Variants in TRIM6 observed in about 807,000 individuals in gnomAD.
TRIM6 encodes the protein tripartite motif containing 6.
In TRIM6, 43 loss-of-function variants were observed where a neutral mutation model predicts 51.2. The ratio of observed to expected loss-of-function variants is 0.84; its 90% CI spans 0.66 to 1.08. The LOEUF is 1.08. TRIM6 is among the 50% of genes least tolerant of loss of function. The pLI is 0.00. For missense variants in TRIM6, 669 were observed against 619.0 expected, an observed-to-expected ratio of 1.08 and a Z score of -0.86; for synonymous variants, 215 against 232.4, an observed-to-expected ratio of 0.93 and a Z score of 0.68.
rs540792202 is a variant in TRIM6 at position 5,611,745 on chromosome 11, G to A, written c.*403G>A. 1.0e-4 allele frequency: 20 copies of A among 193,576 alleles called. No homozygotes were observed. The East Asian group carries it at 2.4e-3, about 23-fold the overall frequency. The allele number at this position is 193,576 out of a possible 1,614,324, so 12.0% of individuals were successfully genotyped here. A position where few individuals can be genotyped will look rare whatever the true frequency, so the allele number is the denominator to read the frequency against. On this transcript the variant is annotated 3_prime_UTR_variant, in exon 8 of 8. Coordinates refer to ENST00000380097, the MANE Select transcript of TRIM6 (RefSeq NM_001003818.3). The stretch of plus-strand genomic sequence containing the variant: ...TGGGATTACAGATGTGAGCCGCCGC[G>A]CCCAGACAGTTCTTTCGTTTTAAAC...
chr11:5,600,339 C>T (rs1176359862), intron 1 of TRIM6, among the ~76,000 whole-genome samples: 1 of 152,124 alleles, frequency 6.6e-6, no homozygotes, highest in African/African-American at 2.4e-5. Context: ...TAATTAAATT[C>T]TTGCTGAATA....
At chr11:5,605,889 G>A (rs1049251851) in intron 4 of TRIM6, among the ~76,000 whole-genome samples, 1 of 152,136 alleles carries the variant, frequency 6.6e-6, no homozygotes, top group African/African-American at 2.4e-5. Flanking sequence ...TTTCTGGCTG[G>A]ATAATTCTTT....
chr11:5,606,148 C>T (rs74050998), intron 4 of TRIM6, among the ~76,000 whole-genome samples: 8 of 152,308 alleles, frequency 5.3e-5, no homozygotes, highest in Admixed American at 3.3e-4. Context: ...GGCACACTTA[C>T]GCCAAGCTAA....
At chr11:5,603,186 AT>A in intron 1 of TRIM6, 59 bp from the exon 2 acceptor site, 1 of 1,564,556 alleles carries the variant, frequency 6.4e-7, no homozygotes. Flanking sequence ...GGCAGTCAGT[AT>A]TCCCTTATTC....
intron 4 of TRIM6, 61 bp downstream of exon 4, chr11:5,605,628 C>T (rs75742187): frequency 0.016 from 24,849 of 1,520,782 alleles, 235 homozygotes; most frequent in Non-Finnish European, 0.019. Flanking sequence ...AACTTTCCTT[C>T]CTTTCTGGGA....
At chr11:5,607,037 A>C (rs1848256065) in intron 4 of TRIM6, among the ~76,000 whole-genome samples, 1 of 152,016 alleles carries the variant, frequency 6.6e-6, no homozygotes. Flanking sequence ...CCCCGTCTCT[A>C]CTAAAAACAC....
chr11:5,605,286 G>T (rs773560116), intron 3 of TRIM6, 51 bp from the exon 4 acceptor site: 3 of 1,610,992 alleles, frequency 1.9e-6, no homozygotes, highest in Non-Finnish European at 2.5e-6. Flanking sequence ...TAATAGAGGA[G>T]ACCCTCAGTG....
At position 5,604,612 on chromosome 11, in the gene TRIM6, A is replaced by G; in HGVS notation, c.586A>G (p.Lys196Glu). Residue 196 changes from lysine (K) to glutamate (E), a missense_variant, in exon 3 of 8, where the codon AAG (lysine) becomes GAG (glutamate). Transcript: ENST00000380097. ...GAAGCTAACAGCTTTTATCAGAGAG[A>G]AGAAAACATCCTGGAAGGCAAGGGA... Reference protein sequence around the residue: ...AEKLTAFIREKKTSWKNQMEP... With the variant: ...AEKLTAFIREEKTSWKNQMEP... 6.2e-7 allele frequency: 1 copy of G among 1,612,942 alleles called. No individual in the cohort carries two copies. The highest frequency in any genetic ancestry group is 8.5e-7 in the Non-Finnish European group (1 of 1,179,536).
intron 1 of TRIM6, among the ~76,000 whole-genome samples, chr11:5,601,111 C>T (rs1302942287): frequency 6.6e-6 from 1 of 152,180 alleles, no homozygotes; most frequent in Non-Finnish European, 1.5e-5. Flanking sequence ...TAGGATCCTG[C>T]TGAAGTTTAA....
At chr11:5,603,102 G>A (rs1847967317) in intron 1 of TRIM6, 144 bp from the exon 2 acceptor site, 2 of 1,383,266 alleles carry the variant, frequency 1.4e-6, no homozygotes, top group Non-Finnish European at 1.9e-6. Flanking sequence ...TATGAGCCGG[G>A]ATAAAGAACG....
Position 5,610,898 on chromosome 11 carries a change from C to T in TRIM6, c.1107C>T (p.Asp369=). The T allele has an allele frequency of 6.2e-7, 1 of 1,614,210 alleles. No individual in the cohort carries two copies. The highest frequency in any genetic ancestry group is 8.5e-7 in the Non-Finnish European group (1 of 1,180,044). Reference sequence around the variant, plus strand: ...CTTCCTGTCTGGAAAAGCATTATGACTGTAGTGTCCTGGGCTCCCAGCACT... The same window carrying T: ...CTTCCTGTCTGGAAAAGCATTATGATTGTAGTGTCCTGGGCTCCCAGCACT... ...SGPSCLEKHY[D]CSVLGSQHFS... Residue 369 remains aspartate, a synonymous_variant, in exon 8 of 8, where the codon GAC becomes GAT. Transcript: ENST00000380097.
intron 4 of TRIM6, among the ~76,000 whole-genome samples, chr11:5,606,795 C>G (rs895513394): frequency 1.6e-4 from 25 of 152,128 alleles, no homozygotes; most frequent in African/African-American, 6.0e-4. Context: ...TATGACTGCC[C>G]CACGGACATT....
intron 5 of TRIM6, among the ~76,000 whole-genome samples, chr11:5,609,648 C>T (rs1292109227): frequency 6.6e-6 from 1 of 152,106 alleles, no homozygotes; most frequent in East Asian, 1.9e-4. Flanking sequence ...CTTGGACAGG[C>T]GCAGTGACTC....
Position 5,612,699 on chromosome 11 carries a change from G to A in TRIM6, c.*1357G>A, listed in dbSNP as rs996141219. On this transcript the variant is annotated 3_prime_UTR_variant, in exon 8 of 8. Coordinates refer to ENST00000380097, the MANE Select transcript of TRIM6 (RefSeq NM_001003818.3). ...AAAGAAATTAAGAGGTACATGTGAG[G>A]GTAGAAACAAATATCAAGGATGAGA... 10 of 152,130 alleles carry A rather than the reference G, an allele frequency of 6.6e-5. No homozygotes were observed. The highest frequency in any genetic ancestry group is 2.4e-4 in the African/African-American group (10 of 41,430). 9.4% of individuals were successfully genotyped at this position (152,130 alleles called of 1,614,324 possible).
At chr11:5,598,592 A>T (rs1179011501) in intron 1 of TRIM6, among the ~76,000 whole-genome samples, 5 of 152,182 alleles carry the variant, frequency 3.3e-5, no homozygotes, top group African/African-American at 1.2e-4. Context: ...TGATCAACAT[A>T]AAAAAATTAA....
Position 5,605,460 on chromosome 11 carries a change from A to G in TRIM6, c.727A>G (p.Ile243Val). 1 of 1,614,216 alleles carries G rather than the reference A, an allele frequency of 6.2e-7. No homozygotes were observed. The change falls in exon 4 of 8, where the codon ATT becomes GTT. Residue 243 changes from isoleucine to valine, a missense_variant. Transcript: ENST00000380097. ...ACAGGAAGAGAAGAAGGGGCTACGA[A>G]TTATAGAAGAGGCTGAGAATGATCT... ...LEQEEKKGLR[I>V]IEEAENDLVH...
intron 2 of TRIM6, among the ~76,000 whole-genome samples, chr11:5,604,192 T>G (rs1467248491): frequency 6.6e-6 from 1 of 151,546 alleles, no homozygotes; most frequent in African/African-American, 2.4e-5. Flanking sequence ...GTGTGTGTGT[T>G]TAGTAGAGAT....
In TRIM6 at chr11:5,596,789, A is replaced by C; in HGVS notation, c.-109A>C. The C allele has an allele frequency of 6.4e-7, 1 of 1,563,672 alleles. No individual in the cohort carries two copies. Among genetic ancestry groups the C allele is most frequent in the Non-Finnish European group, 8.8e-7 (1 of 1,138,300 alleles). On this transcript the variant is annotated 5_prime_UTR_variant, in exon 1 of 8. Coordinates refer to ENST00000380097, the MANE Select transcript of TRIM6 (RefSeq NM_001003818.3). ...GTTGAGTTTAGATAAAAGCCGAGTG[A>C]GCGCGCTCTGTTCCTTAAGATTAGT... is the stretch of plus-strand genomic sequence containing the variant.
intron 6 of TRIM6, 95 bp downstream of exon 6, chr11:5,610,340 G>A: frequency 6.3e-7 from 1 of 1,586,220 alleles, no homozygotes; most frequent in Non-Finnish European, 8.6e-7. Flanking sequence ...TGAGCATAGT[G>A]GCAAAGAGGG....
Sources: allele counts gnomAD v4.1 joint callset (sites outside exome capture counted in the v4.1 genomes callset), GRCh38; gene constraint gnomAD v4.1.1; transcripts MANE v1.5; gene names NCBI Gene and HGNC (gene_info 2026-07-23, HGNC 2026-07-21).